The following ZC3H18 variants were observed in gnomAD, a reference collection of about 807,000 sequenced individuals.
The protein encoded by ZC3H18 is zinc finger CCCH-type containing 18.
A neutral mutation model predicts 106.1 loss-of-function variants in ZC3H18; 8 were observed. The observed-to-expected ratio is 0.08, with a 90% confidence interval of 0.04 to 0.14. The LOEUF (loss-of-function observed/expected upper bound fraction) is 0.14. Among genes scored for constraint, ZC3H18 ranks in the 10% least tolerant of loss-of-function variants. ZC3H18 has a pLI of 1.00. For missense variants in ZC3H18, 1,318 were observed against 1,278.4 expected (o/e 1.03, Z -0.47); for synonymous variants, 635 against 522.1 (o/e 1.22, Z -2.95).
intron 2 of ZC3H18, among the ~76,000 whole-genome samples, chr16:88,578,947 C>T (rs894544360): frequency 4.6e-5 from 7 of 152,214 alleles, no homozygotes; most frequent in Admixed American, 1.3e-4. Context: ...CTCAGCCTCC[C>T]ACAGTGCTGG....
At chr16:88,628,228 G>A (rs1419957609) in intron 15 of ZC3H18, 109 bp downstream of exon 15, 21 of 1,257,570 alleles carry the variant, frequency 1.7e-5, no homozygotes, top group Non-Finnish European at 2.2e-5. Flanking sequence ...GGGCGAGTGG[G>A]GCCTTGCAGG....
intron 3 of ZC3H18, among the ~76,000 whole-genome samples, chr16:88,596,545 C>T (rs997319580): frequency 3.9e-5 from 6 of 152,026 alleles, no homozygotes; most frequent in Non-Finnish European, 8.8e-5. Flanking sequence ...GAGGCTGAGG[C>T]AGGAGAATCA....
At chr16:88,597,719 T>A (rs952219466) in intron 3 of ZC3H18, among the ~76,000 whole-genome samples, 1 of 152,130 alleles carries the variant, frequency 6.6e-6, no homozygotes, top group African/African-American at 2.4e-5. Context: ...CGTACAGAGG[T>A]GGCCAAGGGG....
In ZC3H18 at chr16:88,603,121, C is replaced by T. The variant is rs13333632; in HGVS notation, c.1088+3173C>T. Reference sequence around the variant, plus strand: ...CTGGGACTACAGGCGCCCGCCACCACGCTCAGCCAATTTTTTGTATTTTTT... The same window carrying T: ...CTGGGACTACAGGCGCCCGCCACCATGCTCAGCCAATTTTTTGTATTTTTT... On this transcript the variant is annotated intron_variant, in intron 6 of 17. Transcript: ENST00000301011. Among the ~76,000 whole-genome samples, 164 of 151,958 alleles carry T rather than the reference C, an allele frequency of 1.1e-3. 1 individual carries two copies. The highest frequency in any genetic ancestry group is 6.8e-3 in the Middle Eastern group (2 of 294).
intron 11 of ZC3H18, 77 bp from the exon 12 acceptor site, chr16:88,624,525 G>A (rs1597359066): frequency 1.2e-6 from 2 of 1,606,290 alleles, no homozygotes; most frequent in East Asian, 4.5e-5. Flanking sequence ...CCGAGCTGTG[G>A]GTCCATTGAA....
chr16:88,626,655 A>G (rs752460271), intron 13 of ZC3H18: 1 of 152,022 alleles, frequency 6.6e-6, no homozygotes, highest in African/African-American at 2.4e-5. Flanking sequence ...GCCTGGCCTA[A>G]ATGTTTCTTA....
rs369582517 is a variant in ZC3H18, at chr16:88,577,328, G to A, written c.205G>A (p.Glu69Lys). Residue 69 changes from glutamate to lysine, a missense_variant, in exon 2 of 18, where the codon GAG becomes AAG. By Grantham distance (56) the Glu-to-Lys change is moderately conservative. Coordinates refer to ENST00000301011, the MANE Select transcript of ZC3H18 (RefSeq NM_144604.4). ...GGAGGAGGAAGATAATCACTCCGAC[G>A]AGGAGGACCGGGCAAGTGAGCCTAA... ...SQEEEDNHSD[E>K]EDRASEPKSQ... 3.3e-5 allele frequency: 53 copies of A among 1,609,178 alleles called. No homozygotes were observed. Among genetic ancestry groups the A allele is most frequent in the Admixed American group, 8.4e-5 (5 of 59,586 alleles).
chr16:88,619,420 G>A (rs1905819960), intron 8 of ZC3H18, among the ~76,000 whole-genome samples: 1 of 152,198 alleles, frequency 6.6e-6, no homozygotes, highest in Admixed American at 6.5e-5. Flanking sequence ...GGAAGGTGGT[G>A]CGGCCGGCGG....
intron 15 of ZC3H18, among the ~76,000 whole-genome samples, chr16:88,628,373 G>A (rs1036355748): frequency 7.9e-5 from 12 of 152,106 alleles, no homozygotes; most frequent in African/African-American, 2.7e-4. Flanking sequence ...GCCTGTGGCC[G>A]CCATTCCCTG....
chr16:88,628,735 C>T (rs767785704), intron 15 of ZC3H18, 23 bp from the exon 16 acceptor site: 4 of 1,613,332 alleles, frequency 2.5e-6, no homozygotes, highest in East Asian at 2.2e-5. Context: ...CTGCTGTCCT[C>T]ACTGGCCTCT....
intron 7 of ZC3H18, 85 bp from the exon 8 acceptor site, chr16:88,611,183 C>A: frequency 2.9e-6 from 2 of 696,650 alleles, no homozygotes; most frequent in Non-Finnish European, 5.3e-6. Context: ...ACAGACAGAT[C>A]GCGTGGTGTT....
intron 4 of ZC3H18, 99 bp from the exon 5 acceptor site, chr16:88,598,521 A>G: frequency 7.0e-7 from 1 of 1,426,700 alleles, no homozygotes. Context: ...GCGGCCACAC[A>G]CGGCCGGCTT....
intron 16 of ZC3H18, among the ~76,000 whole-genome samples, chr16:88,629,694 GCCTCGGGGAC>G (rs1309734681): frequency 5.3e-5 from 8 of 152,218 alleles, no homozygotes; most frequent in Non-Finnish European, 7.3e-5. Flanking sequence ...ACCTGAAAGG[GCCTCGGGGAC>G]CCCCAGCCAT....
rs955037579 is a variant in ZC3H18 at position 88,592,825 on chromosome 16, G to T, written c.689-5353G>T. ...TCGAATGCCACTTTACTTCATGTCT[G>T]TGCTGTAGTAGTAAGAACTGTAATT... is the stretch of plus-strand genomic sequence containing the variant. On this transcript the variant is annotated intron_variant, in intron 3 of 17. Transcript: ENST00000301011. Among the ~76,000 whole-genome samples, 3 of 152,330 alleles carry T rather than the reference G, an allele frequency of 2.0e-5. No individual in the cohort carries two copies. In the South Asian group the frequency reaches 6.2e-4, roughly 32 times the overall value.
intron 2 of ZC3H18, 43 bp downstream of exon 2, chr16:88,577,769 C>T (rs1914856793): frequency 1.2e-6 from 2 of 1,611,624 alleles, no homozygotes; most frequent in Non-Finnish European, 1.7e-6. Flanking sequence ...TCCTGCCCAG[C>T]AGCCTGACAT....
chr16:88,617,476 G>A (rs1905690549), intron 8 of ZC3H18, among the ~76,000 whole-genome samples: 1 of 152,160 alleles, frequency 6.6e-6, no homozygotes, highest in Non-Finnish European at 1.5e-5. Context: ...TTTATAGCTA[G>A]GCCGATGGGT....
intron 8 of ZC3H18, among the ~76,000 whole-genome samples, chr16:88,619,518 C>T (rs1336445851): frequency 6.6e-6 from 1 of 152,168 alleles, no homozygotes; most frequent in Non-Finnish European, 1.5e-5. Flanking sequence ...CTGACCCCTG[C>T]TGGGCCTGCC....
chr16:88,631,035 G>A, intron 17 of ZC3H18, 66 bp from the exon 18 acceptor site: 1 of 1,595,916 alleles, frequency 6.3e-7, no homozygotes, highest in Non-Finnish European at 8.5e-7. Flanking sequence ...CCCCTACGGG[G>A]AGGTCACCCC....
chr16:88,580,469 C>G (rs1915057649), intron 2 of ZC3H18, among the ~76,000 whole-genome samples: 1 of 152,188 alleles, frequency 6.6e-6, no homozygotes, highest in African/African-American at 2.4e-5. Context: ...GCCCTCCACC[C>G]TTGTGGGAAG....
Sources: allele counts gnomAD v4.1 joint callset (sites outside exome capture counted in the v4.1 genomes callset), GRCh38; gene constraint gnomAD v4.1.1; transcripts MANE v1.5; gene names NCBI Gene and HGNC (gene_info 2026-07-23, HGNC 2026-07-21).